Variants in MDGA2 observed in about 807,000 individuals in gnomAD.
The protein encoded by MDGA2 is MAM domain-containing glycosylphosphatidylinositol anchor protein 2.
In MDGA2, 40 loss-of-function variants were observed where a neutral mutation model predicts 117.8. The ratio of observed to expected loss-of-function variants is 0.34; its 90% CI spans 0.26 to 0.44. The LOEUF (loss-of-function observed/expected upper bound fraction) is 0.44. Among genes scored for constraint, MDGA2 ranks in the 20% least tolerant of loss-of-function variants. The pLI is 1.00. For synonymous variants in MDGA2, 452 were observed against 439.0 expected, an observed-to-expected ratio of 1.03 and a Z score of -0.37; for missense variants, 1,123 against 1,250.6, an observed-to-expected ratio of 0.90 and a Z score of 1.54.
At chr14:47,090,535 T>C (rs1879592536) in intron 6 of MDGA2, among the ~76,000 whole-genome samples, 1 of 152,156 alleles carries the variant, frequency 6.6e-6, no homozygotes, top group African/African-American at 2.4e-5. Flanking sequence ...GGGAGCATGA[T>C]GTGAAGAATA....
chr14:47,354,555 C>T (rs1246310684), intron 1 of MDGA2, among the ~76,000 whole-genome samples: 1 of 152,174 alleles, frequency 6.6e-6, no homozygotes, highest in African/African-American at 2.4e-5. Context: ...GCCTGTGCTG[C>T]CGCTACTCCA....
intron 1 of MDGA2, among the ~76,000 whole-genome samples, chr14:47,601,375 T>A (rs1364940441): frequency 3.9e-5 from 6 of 152,118 alleles, no homozygotes; most frequent in Non-Finnish European, 8.8e-5. Flanking sequence ...AGTCTCTACA[T>A]CCTAGGTTTA....
intron 7 of MDGA2, among the ~76,000 whole-genome samples, chr14:47,037,733 T>G (rs920102292): frequency 6.6e-6 from 1 of 152,206 alleles, no homozygotes; most frequent in African/African-American, 2.4e-5. Context: ...GTTTCACATG[T>G]CAAAACTGCT....
intron 5 of MDGA2, 45 bp downstream of exon 5, chr14:47,131,669 T>C (rs747143357): frequency 7.1e-7 from 1 of 1,409,308 alleles, no homozygotes; most frequent in Admixed American, 2.1e-5. Flanking sequence ...TTTTAAACAT[T>C]AGTTGTAGAT....
At chr14:47,567,516 T>A (rs1895941661) in intron 1 of MDGA2, among the ~76,000 whole-genome samples, 1 of 152,208 alleles carries the variant, frequency 6.6e-6, no homozygotes, top group Admixed American at 6.5e-5. Flanking sequence ...TCATTCCAAC[T>A]ATGACAGAGA....
chr14:47,053,650 T>C (rs113623616), intron 7 of MDGA2, among the ~76,000 whole-genome samples: 3,563 of 45,336 alleles, frequency 0.079, 102 homozygotes, highest in Admixed American at 0.17. Context: ...TATATATATA[T>C]ATATACACAC....
At chr14:47,654,249 C>A (rs1416182164) in intron 1 of MDGA2, among the ~76,000 whole-genome samples, 3 of 152,176 alleles carry the variant, frequency 2.0e-5, no homozygotes, top group East Asian at 3.9e-4. Context: ...AAATAAAGAG[C>A]CCTAGAGATA....
At chr14:47,303,537 T>G (rs1460469394) in intron 1 of MDGA2, among the ~76,000 whole-genome samples, 2 of 152,134 alleles carry the variant, frequency 1.3e-5, no homozygotes, top group African/African-American at 4.8e-5. Flanking sequence ...CAGGCAGTGA[T>G]CAAATTTGGA....
At chr14:47,552,407 C>A (rs1053870873) in intron 1 of MDGA2, among the ~76,000 whole-genome samples, 2 of 152,226 alleles carry the variant, frequency 1.3e-5, no homozygotes, top group African/African-American at 4.8e-5. Flanking sequence ...CACAGTTTAA[C>A]CCTCCTTAGG....
chr14:46,868,117 T>C (rs1407244071), intron 14 of MDGA2, among the ~76,000 whole-genome samples: 1 of 151,980 alleles, frequency 6.6e-6, no homozygotes, highest in Non-Finnish European at 1.5e-5. Context: ...AAATCATGGT[T>C]ACTGCTCTCA....
intron 1 of MDGA2, among the ~76,000 whole-genome samples, chr14:47,584,924 A>T (rs1594930030): frequency 6.6e-6 from 1 of 151,770 alleles, no homozygotes; most frequent in East Asian, 1.9e-4. Flanking sequence ...CCTGAATGGT[A>T]CACATTTATT....
chr14:47,323,621 G>C (rs1890054512), intron 1 of MDGA2, among the ~76,000 whole-genome samples: 1 of 151,384 alleles, frequency 6.6e-6, no homozygotes, highest in Admixed American at 6.6e-5. Context: ...AACAGAGTAA[G>C]ACTCCATCTC....
At chr14:47,221,339 C>A (rs758242812) in intron 2 of MDGA2, among the ~76,000 whole-genome samples, 1 of 151,932 alleles carries the variant, frequency 6.6e-6, no homozygotes, top group Non-Finnish European at 1.5e-5. Flanking sequence ...TTTTAAAAAG[C>A]ATAAATGTCA....
chr14:46,923,547 G>T (rs1440190541), intron 9 of MDGA2, among the ~76,000 whole-genome samples: 2 of 151,918 alleles, frequency 1.3e-5, no homozygotes, highest in Non-Finnish European at 2.9e-5. Context: ...TTTTTAGATG[G>T]TGCATAAATA....
chr14:47,085,751 G>C (rs1392338877), intron 6 of MDGA2, among the ~76,000 whole-genome samples: 1 of 151,676 alleles, frequency 6.6e-6, no homozygotes, highest in East Asian at 1.9e-4. Context: ...GGCATATTCA[G>C]ATTCCTAGAA....
intron 7 of MDGA2, among the ~76,000 whole-genome samples, chr14:47,044,033 A>G (rs778323037): frequency 1.2e-4 from 18 of 151,670 alleles, no homozygotes; most frequent in East Asian, 3.9e-4. Flanking sequence ...GGGTTTTTCT[A>G]TTTCTTCAGT....
intron 1 of MDGA2, among the ~76,000 whole-genome samples, chr14:47,540,540 G>GTGTGTGTGTATATATATA: frequency 1.0e-4 from 8 of 79,218 alleles, no homozygotes; most frequent in Middle Eastern, 6.3e-3. Flanking sequence ...GTGTGTGTGT[G>GTGTGTGTGTATATATATA]TATATATATA....
At chr14:46,882,390 G>A (rs1382332655) in intron 10 of MDGA2, among the ~76,000 whole-genome samples, 169 bp from the exon 11 acceptor site, 1 of 151,490 alleles carries the variant, frequency 6.6e-6, no homozygotes, top group Non-Finnish European at 1.5e-5. Context: ...TGAGATGTTT[G>A]CATGCATATG....
intron 1 of MDGA2, among the ~76,000 whole-genome samples, chr14:47,474,281 T>C (rs1893789820): frequency 2.0e-5 from 3 of 152,140 alleles, no homozygotes; most frequent in Admixed American, 2.0e-4. Context: ...ACATGGGAAC[T>C]GAAGGACATC....
Sources: gnomAD v4.1 joint callset for allele counts (sites outside exome capture counted in the v4.1 genomes callset) on GRCh38, gnomAD v4.1.1 for gene constraint, MANE v1.5 for transcripts, NCBI Gene and HGNC (gene_info 2026-07-23, HGNC 2026-07-21) for gene names.